Variants in GPM6B observed in about 807,000 individuals in gnomAD.
GPM6B encodes the protein neuronal membrane glycoprotein M6-b.
In GPM6B, 4 loss-of-function variants were observed where a neutral mutation model predicts 27.2. The ratio of observed to expected loss-of-function variants is 0.15; its 90% CI spans 0.07 to 0.34. The LOEUF (loss-of-function observed/expected upper bound fraction) is 0.34, where lower values mean the gene tolerates loss of function less well. GPM6B is among the 10% of genes least tolerant of loss of function. The pLI is 1.00. For missense variants in GPM6B, 183 were observed against 261.9 expected (o/e 0.70, Z 2.08); for synonymous variants, 124 against 103.1 (o/e 1.20, Z -1.23).
chrX:13,849,382 G>A (rs2049687726), intron 1 of GPM6B, among the ~76,000 whole-genome samples: 1 of 112,578 alleles, frequency 8.9e-6, no homozygotes, highest in Non-Finnish European at 1.9e-5. Flanking sequence ...CATCCATTTT[G>A]ACATAATCAC....
intron 1 of GPM6B, among the ~76,000 whole-genome samples, chrX:13,899,393 G>A (rs974074171): frequency 1.9e-4 from 13 of 69,239 alleles, no homozygotes; most frequent in South Asian, 1.2e-3. Flanking sequence ...ATGACAGAGC[G>A]AGACTCTGTC....
chrX:13,789,480 T>C (rs1350908307), intron 2 of GPM6B, among the ~76,000 whole-genome samples: 4 of 112,227 alleles, frequency 3.6e-5, no homozygotes, highest in African/African-American at 1.3e-4. Flanking sequence ...ATCTTCAAAA[T>C]CATGGGAAGC....
chrX:13,923,132 C>A (rs7884063), intron 1 of GPM6B, among the ~76,000 whole-genome samples: 7 of 110,096 alleles, frequency 6.4e-5, no homozygotes, highest in Admixed American at 2.9e-4. Context: ...GCTGAGATCA[C>A]GCCATTGCAC....
intron 7 of GPM6B, among the ~76,000 whole-genome samples, chrX:13,774,832 CAGTGAGTTTACTAAA>C (rs201189531): frequency 0.011 from 1,241 of 111,949 alleles, 15 homozygotes; most frequent in African/African-American, 0.038. Flanking sequence ...GTTCTGCCCT[CAGTGAGTTTACTAAA>C]AGGACTTGGA....
At chrX:13,861,719 A>T (rs749767486) in intron 1 of GPM6B, among the ~76,000 whole-genome samples, 3 of 112,140 alleles carry the variant, frequency 2.7e-5, no homozygotes, top group Admixed American at 1.9e-4. Flanking sequence ...TAATTTGTTA[A>T]TTGAAAAAGT....
chrX:13,826,563 C>CACAT (rs1218590305), intron 1 of GPM6B, among the ~76,000 whole-genome samples: 8 of 67,948 alleles, frequency 1.2e-4, no homozygotes, highest in Non-Finnish European at 2.9e-4. Context: ...CATACATACA[C>CACAT]ACATACATAC....
At chrX:13,901,034 T>C (rs1409831281) in intron 1 of GPM6B, among the ~76,000 whole-genome samples, 1 of 112,221 alleles carries the variant, frequency 8.9e-6, no homozygotes, top group Admixed American at 9.5e-5. Context: ...GCCTCATTTA[T>C]AAGATTGTTT....
At chrX:13,777,300 C>T in intron 6 of GPM6B, 52 bp downstream of exon 6, 2 of 909,620 alleles carry the variant, frequency 2.2e-6, no homozygotes, top group Non-Finnish European at 3.2e-6. Context: ...TGGGAGAACC[C>T]TTTTTTCTCA....
At chrX:13,938,279 G>A (rs376742988) in intron 1 of GPM6B, 62 of 244,303 alleles carry the variant, frequency 2.5e-4, no homozygotes, top group African/African-American at 2.4e-3. Context: ...CCTGGCCGCA[G>A]CCGGAGCGGG....
chrX:13,885,680 C>T (rs2147020853), intron 1 of GPM6B, among the ~76,000 whole-genome samples: 1 of 111,098 alleles, frequency 9.0e-6, no homozygotes, highest in African/African-American at 3.3e-5. Context: ...TGAACAACAA[C>T]CCCCCGTCCC....
intron 1 of GPM6B, among the ~76,000 whole-genome samples, chrX:13,876,522 TAATGTCACAGGG>T (rs1370053474): frequency 8.9e-6 from 1 of 112,105 alleles, no homozygotes; most frequent in Non-Finnish European, 1.9e-5. Context: ...CTGCAGTAGA[TAATGTCACAGGG>T]AACTTTAAGC....
At chrX:13,873,867 T>C (rs2050005165) in intron 1 of GPM6B, among the ~76,000 whole-genome samples, 1 of 112,216 alleles carries the variant, frequency 8.9e-6, no homozygotes, top group Admixed American at 9.4e-5. Flanking sequence ...TGGAGTATCA[T>C]GTCCTTCACA....
chrX:13,824,245 T>A, intron 1 of GPM6B, among the ~76,000 whole-genome samples: 2 of 112,370 alleles, frequency 1.8e-5, no homozygotes, highest in Middle Eastern at 4.7e-3. Flanking sequence ...GAGGGTAATA[T>A]CATCCCCAGT....
chrX:13,802,833 T>C (rs189175430), intron 2 of GPM6B, among the ~76,000 whole-genome samples: 1 of 111,564 alleles, frequency 9.0e-6, no homozygotes, highest in East Asian at 2.8e-4. Flanking sequence ...GAGCATCCAC[T>C]GGCTTAGGCT....
chrX:13,930,966 C>T (rs189798216), intron 1 of GPM6B, among the ~76,000 whole-genome samples: 1 of 110,932 alleles, frequency 9.0e-6, no homozygotes, highest in Non-Finnish European at 1.9e-5. Context: ...GGCAGATCAC[C>T]TGAAGTCAGT....
intron 1 of GPM6B, among the ~76,000 whole-genome samples, chrX:13,879,777 T>C (rs759457210): frequency 2.5e-4 from 28 of 112,151 alleles, no homozygotes; most frequent in Non-Finnish European, 3.9e-4. Context: ...AATTCTGAGG[T>C]GCATCAGCTG....
rs192637107 is a variant in GPM6B, at chrX:13,857,835, T to C, written c.-197-72027A>G. On this transcript the variant is annotated intron_variant, in intron 1 of 6. Coordinates refer to the GPM6B transcript ENST00000398361. Reference sequence around the variant, plus strand: ...ACAAAATTCCTGGTTCTTCTGAAGTTTGCACTTCAATGAGGTAGATAAACA... The same window carrying C: ...ACAAAATTCCTGGTTCTTCTGAAGTCTGCACTTCAATGAGGTAGATAAACA... 6.2e-5 allele frequency among the ~76,000 whole-genome samples: 7 copies of C among 112,865 alleles called. No individual in the cohort carries two copies. In the East Asian group the frequency reaches 1.9e-3, roughly 31 times the overall value.
chrX:13,804,424 G>C (rs1246648675), intron 2 of GPM6B, among the ~76,000 whole-genome samples: 1 of 80,660 alleles, frequency 1.2e-5, no homozygotes, highest in South Asian at 1.0e-3. Flanking sequence ...CGGCGGGGGG[G>C]GCGGGGGGCG....
At chrX:13,837,232 A>G (rs968535914) in intron 1 of GPM6B, among the ~76,000 whole-genome samples, 1 of 111,888 alleles carries the variant, frequency 8.9e-6, no homozygotes, top group Non-Finnish European at 1.9e-5. Flanking sequence ...TTGATATCTC[A>G]TAAAGTTGTT....
Sources: gnomAD v4.1 joint callset for allele counts (sites outside exome capture counted in the v4.1 genomes callset) on GRCh38, gnomAD v4.1.1 for gene constraint, MANE v1.5 for transcripts, NCBI Gene and HGNC (gene_info 2026-07-23, HGNC 2026-07-21) for gene names.